The following GIN1 variants were observed in gnomAD, a reference collection of about 807,000 sequenced individuals.
The protein encoded by GIN1 is gypsy retrotransposon integrase 1, also known as gypsy retrotransposon integrase-like protein 1.
In GIN1, 41 loss-of-function variants were observed where a neutral mutation model predicts 51.4. The ratio of observed to expected loss-of-function variants is 0.80; its 90% CI spans 0.62 to 1.04. The LOEUF (loss-of-function observed/expected upper bound fraction) is 1.04, where lower values mean the gene tolerates loss of function less well. Ranked by LOEUF, GIN1 falls within the 50% of genes least tolerant of loss-of-function variation. The pLI is 0.00. For synonymous variants in GIN1, 222 were observed against 206.5 expected (o/e 1.07, Z -0.64); for missense variants, 610 against 612.4 (o/e 1.00, Z 0.04).
At chr5:103,102,830 A>G (rs1007164403) in intron 4 of GIN1, 7 of 152,178 alleles carry the variant, frequency 4.6e-5, no homozygotes, top group African/African-American at 1.7e-4. Context: ...CAGTGAGCCA[A>G]GACGGTGCCA....
At position 103,108,573 on chromosome 5, in the gene GIN1, G is replaced by T; in HGVS notation, c.135C>A (p.Phe45Leu). ...GIRRAAKKFV[F>L]KEKKLFYVGK... ...AAATTTGAACATTAATTTTACCTTT[G>T]AAGACAAATTTTTTTGCTGCTCTTC... The change falls in exon 2 of 8, where the codon TTC becomes TTA. Residue 45 changes from phenylalanine (F) to leucine (L), a missense_variant. By Grantham distance (22) the Phe-to-Leu change is conservative. Transcript: ENST00000399004. The T allele has an allele frequency of 1.3e-6, 2 of 1,593,148 alleles. No homozygotes were observed. Among genetic ancestry groups the T allele is most frequent in the Non-Finnish European group, 1.7e-6 (2 of 1,164,824 alleles).
In GIN1 at chr5:103,106,802, C is replaced by T; in HGVS notation, c.247G>A (p.Gly83Arg). ...GTCCTGGATATACCATGATGAGCTCCACTGTCATTTTCATGGCATTCTCTT... is the reference window on the plus strand; with the variant it reads ...GTCCTGGATATACCATGATGAGCTCTACTGTCATTTTCATGGCATTCTCTT... ...VLRECHENDSGAHHGISRTLT... is the reference protein window; with the variant it reads ...VLRECHENDSRAHHGISRTLT... The change falls in exon 3 of 8, where the codon GGA (glycine) becomes AGA (arginine). Residue 83 changes from glycine (G) to arginine (R), a missense_variant. Transcript: ENST00000399004. 6.2e-7 allele frequency: 1 copy of T among 1,601,710 alleles called. No individual in the cohort carries two copies. The highest frequency in any genetic ancestry group is 8.5e-7 in the Non-Finnish European group (1 of 1,171,268).
At chr5:103,102,824 G>C (rs1169791719) in intron 4 of GIN1, 1 of 152,050 alleles carries the variant, frequency 6.6e-6, no homozygotes, top group Non-Finnish European at 1.5e-5. Context: ...AGGTTGCAGT[G>C]AGCCAAGACG....
chr5:103,101,715 G>T (rs1476904222), intron 4 of GIN1, among the ~76,000 whole-genome samples: 1 of 152,208 alleles, frequency 6.6e-6, no homozygotes, highest in African/African-American at 2.4e-5. Flanking sequence ...GAGGAAACAT[G>T]TGGATTCTCA....
rs1480973185 is a variant in GIN1, at chr5:103,087,941, C to G, written c.1526G>C (p.Ser509Thr). Residue 509 changes from serine to threonine, a missense_variant, in exon 8 of 8, where the codon AGT becomes ACT. By Grantham distance (58) the Ser-to-Thr change is moderately conservative (BLOSUM62 1). Transcript: ENST00000399004. ...AACCTGGTTTGAAGAGTCCAACAGA[C>G]TGAAAGTCTGCTTTTCAAGAGAACT... Reference protein sequence around the residue: ...DHSSLEKQTFSLLDSSNQVLE... With the variant: ...DHSSLEKQTFTLLDSSNQVLE... 5 of 1,593,348 alleles carry G rather than the reference C, an allele frequency of 3.1e-6. No individual in the cohort carries two copies. Among genetic ancestry groups the G allele is most frequent in the African/African-American group, 2.7e-5 (2 of 74,436 alleles).
Position 103,104,803 on chromosome 5 carries a change from A to G in GIN1, c.377T>C (p.Ile126Thr), listed in dbSNP as rs782479307. 1.9e-6 allele frequency: 3 copies of G among 1,610,390 alleles called. No homozygotes were observed. The highest frequency in any genetic ancestry group is 2.5e-6 in the Non-Finnish European group (3 of 1,177,798). The change falls in exon 4 of 8, where the codon ATT becomes ACT. Residue 126 changes from isoleucine (I) to threonine (T), a missense_variant. Physicochemically the swap from Ile to Thr is moderately conservative, Grantham distance 89. Coordinates refer to ENST00000399004, the MANE Select transcript of GIN1 (RefSeq NM_017676.2). ...GAGAAGGTGCTGTTTCGGTGCTACA[A>G]TAACTGTATTTTTTGCCACTTGGCA... is the stretch of plus-strand genomic sequence containing the variant. The part of the protein sequence containing the change: ...QHCQVAKNTV[I>T]VAPKQHLLKV...
intron 1 of GIN1, among the ~76,000 whole-genome samples, chr5:103,114,896 TAA>T (rs532771009): frequency 2.6e-5 from 4 of 152,098 alleles, no homozygotes; most frequent in Non-Finnish European, 5.9e-5. Context: ...ACAGAGAGGC[TAA>T]GTGATATAAG....
intron 7 of GIN1, among the ~76,000 whole-genome samples, chr5:103,089,555 C>G (rs567202237): frequency 1.3e-5 from 2 of 152,202 alleles, no homozygotes; most frequent in South Asian, 2.1e-4. Context: ...CTTCTGGGCT[C>G]AAGTGATCCT....
At chr5:103,114,985 T>A (rs1037083775) in intron 1 of GIN1, among the ~76,000 whole-genome samples, 1 of 152,118 alleles carries the variant, frequency 6.6e-6, no homozygotes, top group South Asian at 2.1e-4. Context: ...GCAACCAGAC[T>A]GAAATGACAC....
intron 1 of GIN1, among the ~76,000 whole-genome samples, chr5:103,115,922 T>C (rs1303658939): frequency 1.1e-4 from 16 of 152,068 alleles, no homozygotes; most frequent in African/African-American, 3.9e-4. Context: ...GATATTATAG[T>C]GAATATAACC....
At chr5:103,114,652 C>A (rs1164896824) in intron 1 of GIN1, among the ~76,000 whole-genome samples, 1 of 152,160 alleles carries the variant, frequency 6.6e-6, no homozygotes, top group African/African-American at 2.4e-5. Context: ...CCTTTCTGAC[C>A]ACATCCCCAA....
chr5:103,092,491 C>A (rs984907629), intron 7 of GIN1, among the ~76,000 whole-genome samples: 1 of 152,004 alleles, frequency 6.6e-6, no homozygotes, highest in Non-Finnish European at 1.5e-5. Flanking sequence ...AGTGACTAAA[C>A]TAATCCTATA....
At chr5:103,101,554 ACTTT>A (rs1478588395) in intron 4 of GIN1, among the ~76,000 whole-genome samples, 1 of 152,156 alleles carries the variant, frequency 6.6e-6, no homozygotes, top group African/African-American at 2.4e-5. Context: ...CGGCGCTATC[ACTTT>A]CTTGTGGTTG....
intron 1 of GIN1, among the ~76,000 whole-genome samples, chr5:103,113,903 C>T (rs1787953361): frequency 6.6e-6 from 1 of 152,132 alleles, no homozygotes; most frequent in African/African-American, 2.4e-5. Context: ...ACCATTAAGA[C>T]CATGGCACTA....
intron 1 of GIN1, among the ~76,000 whole-genome samples, chr5:103,119,326 C>CA (rs1290678572): frequency 2.0e-5 from 3 of 152,044 alleles, no homozygotes; most frequent in African/African-American, 7.3e-5. Flanking sequence ...TTTTAAGCTC[C>CA]AAAAAATGGA....
chr5:103,099,080 T>A (rs1054187237), intron 4 of GIN1, among the ~76,000 whole-genome samples: 1 of 151,728 alleles, frequency 6.6e-6, no homozygotes, highest in East Asian at 1.9e-4. Context: ...TTCAGACGAG[T>A]AGTATCAGAA....
rs1787441982 is a variant in GIN1, at chr5:103,097,596, A to C, written c.825T>G (p.Thr275=). 1.3e-6 allele frequency: 2 copies of C among 1,596,636 alleles called. No individual in the cohort carries two copies. Among genetic ancestry groups the C allele is most frequent in the East Asian group, 4.5e-5 (2 of 44,782 alleles). ...LSAVSFAFNV[T]HLEPTKNTPY... ...ATTATAAAAAGGCACATACCAAGTG[A>C]GTTACATTGAAGGCAAATGAAACAG... is the stretch of plus-strand genomic sequence containing the variant. The change falls in exon 5 of 8, where the codon ACT becomes ACG. Residue 275 remains threonine, a synonymous_variant. Coordinates refer to ENST00000399004, the MANE Select transcript of GIN1 (RefSeq NM_017676.2).
At chr5:103,098,464 GTTTAA>G (rs1267873450) in intron 4 of GIN1, among the ~76,000 whole-genome samples, 1 of 152,100 alleles carries the variant, frequency 6.6e-6, no homozygotes, top group African/African-American at 2.4e-5. Context: ...TTAACTTTGA[GTTTAA>G]TTTTTTTCTT....
At chr5:103,088,852 C>A (rs771476283) in intron 7 of GIN1, among the ~76,000 whole-genome samples, 8 of 152,052 alleles carry the variant, frequency 5.3e-5, no homozygotes, top group Non-Finnish European at 1.2e-4. Context: ...TTCTGTAAAG[C>A]ATTTCTGGGT....
Sources: gnomAD v4.1 joint callset for allele counts (sites outside exome capture counted in the v4.1 genomes callset) on GRCh38, gnomAD v4.1.1 for gene constraint, MANE v1.5 for transcripts, NCBI Gene and HGNC (gene_info 2026-07-23, HGNC 2026-07-21) for gene names.